Variants in MEMO1 observed in about 807,000 individuals in gnomAD.
The protein encoded by MEMO1 is protein MEMO1.
Under a neutral mutation model 45.2 loss-of-function variants are expected in MEMO1, and 6 were observed. That is an observed-to-expected ratio of 0.13 (90% CI 0.07 to 0.26). The LOEUF is 0.26. MEMO1 is among the 10% of genes least tolerant of loss of function. MEMO1 has a pLI of 1.00. For synonymous variants in MEMO1, 78 were observed against 124.3 expected (o/e 0.63, Z 2.48); for missense variants, 184 against 370.5 (o/e 0.50, Z 4.13).
At chr2:31,900,630 T>C (rs1008441231) in intron 6 of MEMO1, among the ~76,000 whole-genome samples, 2 of 151,890 alleles carry the variant, frequency 1.3e-5, no homozygotes, top group South Asian at 2.1e-4. Context: ...TGTATAACTA[T>C]GTAACAAACC....
chr2:31,895,521 G>A (rs1302428236), intron 6 of MEMO1, among the ~76,000 whole-genome samples: 2 of 152,142 alleles, frequency 1.3e-5, no homozygotes, highest in Non-Finnish European at 2.9e-5. Context: ...CTGAAGAGCA[G>A]ATTTGATATT....
intron 5 of MEMO1, among the ~76,000 whole-genome samples, chr2:31,919,182 G>C (rs1681908826): frequency 6.6e-6 from 1 of 151,578 alleles, no homozygotes; most frequent in Non-Finnish European, 1.5e-5. Context: ...GCCAGGCTGG[G>C]TGACAGCATT....
intron 2 of MEMO1, among the ~76,000 whole-genome samples, chr2:31,965,954 C>T (rs1226842106): frequency 6.6e-6 from 1 of 152,082 alleles, no homozygotes; most frequent in Non-Finnish European, 1.5e-5. Context: ...ACACATGTAC[C>T]TTAGAACTTA....
intron 6 of MEMO1, among the ~76,000 whole-genome samples, chr2:31,908,117 AT>A (rs1680029976): frequency 6.6e-6 from 1 of 152,194 alleles, no homozygotes; most frequent in Non-Finnish European, 1.5e-5. Context: ...GGGTCATTCA[AT>A]AATTCATTTA....
chr2:32,004,089 G>A (rs529630915), intron 2 of MEMO1, among the ~76,000 whole-genome samples: 1 of 152,308 alleles, frequency 6.6e-6, no homozygotes, highest in South Asian at 2.1e-4. Context: ...GCTGAGGCAG[G>A]GGGATCGCTT....
At chr2:31,870,354 T>C (rs1446045562) in intron 8 of MEMO1, among the ~76,000 whole-genome samples, 1 of 152,194 alleles carries the variant, frequency 6.6e-6, no homozygotes, top group Non-Finnish European at 1.5e-5. Context: ...TTGTGGCTGT[T>C]TTCTCCATAT....
intron 9 of MEMO1, among the ~76,000 whole-genome samples, chr2:31,869,412 T>C (rs1200931077): frequency 6.6e-6 from 1 of 152,160 alleles, no homozygotes; most frequent in Non-Finnish European, 1.5e-5. Flanking sequence ...TTTGTTTTAA[T>C]GAGAAAAACA....
At chr2:31,990,504 T>C (rs7607030) in intron 2 of MEMO1, among the ~76,000 whole-genome samples, 22,771 of 151,556 alleles carry the variant, frequency 0.15, 1,956 homozygotes, top group African/African-American at 0.22. Context: ...CAGGCTCGAG[T>C]GCAGTGGCAT....
intron 2 of MEMO1, among the ~76,000 whole-genome samples, chr2:31,950,556 T>G (rs1178690408): frequency 1.3e-5 from 2 of 151,166 alleles, no homozygotes; most frequent in Non-Finnish European, 2.9e-5. Context: ...CCATCTCTAC[T>G]AAAAACACAA....
At chr2:31,965,299 A>AGGAGGGAAGGAGGGAAGGAGGGACGGAG (rs1668486251) in intron 2 of MEMO1, among the ~76,000 whole-genome samples, 3 of 147,448 alleles carry the variant, frequency 2.0e-5, no homozygotes, top group South Asian at 2.2e-4. Flanking sequence ...GAAGAAGGGA[A>AGGAGGGAAGGAGGGAAGGAGGGACGGAG]GGAGGGAAGG....
intron 4 of MEMO1, among the ~76,000 whole-genome samples, chr2:31,925,815 G>A (rs1683012891): frequency 6.6e-6 from 1 of 152,206 alleles, no homozygotes; most frequent in East Asian, 1.9e-4. Flanking sequence ...AAGTTTAAAA[G>A]GGAGTTCCTA....
At chr2:31,969,570 T>TGG (rs201460427) in intron 2 of MEMO1, among the ~76,000 whole-genome samples, 2 of 143,242 alleles carry the variant, frequency 1.4e-5, no homozygotes, top group African/African-American at 5.2e-5. Context: ...AAATCTTTTC[T>TGG]GGGGGTGTGT....
chr2:31,979,683 A>G (rs1670415022), intron 2 of MEMO1, among the ~76,000 whole-genome samples: 1 of 152,186 alleles, frequency 6.6e-6, no homozygotes, highest in Non-Finnish European at 1.5e-5. Context: ...AAAGTATTAA[A>G]AAACTGTGAG....
At chr2:31,960,412 A>C (rs1448065371) in intron 2 of MEMO1, among the ~76,000 whole-genome samples, 1 of 152,126 alleles carries the variant, frequency 6.6e-6, no homozygotes. Flanking sequence ...AGCCTTTCTA[A>C]ACTATCCTGT....
intron 6 of MEMO1, chr2:31,893,271 C>T (rs1677223152): frequency 9.3e-7 from 1 of 1,080,280 alleles, no homozygotes; most frequent in Non-Finnish European, 1.2e-6. Flanking sequence ...ACAGATCATA[C>T]AGATCTCCAG....
chr2:31,927,923 AG>A (rs1173761803), intron 4 of MEMO1, among the ~76,000 whole-genome samples: 1 of 152,182 alleles, frequency 6.6e-6, no homozygotes, highest in East Asian at 1.9e-4. Flanking sequence ...GCTTTTAATA[AG>A]ATATCTATAT....
intron 2 of MEMO1, among the ~76,000 whole-genome samples, chr2:31,972,645 A>G (rs1246056328): frequency 6.6e-6 from 1 of 152,182 alleles, no homozygotes; most frequent in African/African-American, 2.4e-5. Flanking sequence ...CAGGAGATGG[A>G]GGTTGCAGTG....
chr2:32,000,442 G>C (rs1460932682), intron 2 of MEMO1, among the ~76,000 whole-genome samples: 1 of 151,868 alleles, frequency 6.6e-6, no homozygotes, highest in Non-Finnish European at 1.5e-5. Context: ...GTGTTAGCCA[G>C]GATGGTCTCG....
At chr2:31,901,006 T>C (rs1039773731) in intron 6 of MEMO1, among the ~76,000 whole-genome samples, 2 of 152,170 alleles carry the variant, frequency 1.3e-5, no homozygotes, top group Non-Finnish European at 2.9e-5. Flanking sequence ...AAACTGGAAA[T>C]GTTCAATAGT....
Sources: gnomAD v4.1 joint callset for allele counts (sites outside exome capture counted in the v4.1 genomes callset) on GRCh38, gnomAD v4.1.1 for gene constraint, MANE v1.5 for transcripts, NCBI Gene and HGNC (gene_info 2026-07-23, HGNC 2026-07-21) for gene names.